Variants in AATF observed in about 807,000 individuals in gnomAD.
AATF encodes the protein protein AATF.
In AATF, 48 loss-of-function variants were observed where a neutral mutation model predicts 63.7. The observed-to-expected ratio is 0.75, with a 90% CI of 0.60 to 0.96. The LOEUF is 0.96. AATF is among the 40% of genes least tolerant of loss of function. The pLI is 0.00. For synonymous variants in AATF, 258 were observed against 247.7 expected (o/e 1.04, Z -0.39); for missense variants, 639 against 685.7 (o/e 0.93, Z 0.76).
At chr17:37,003,981 T>G (rs541567603) in intron 8 of AATF, among the ~76,000 whole-genome samples, 1 of 152,054 alleles carries the variant, frequency 6.6e-6, no homozygotes, top group East Asian at 1.9e-4. Flanking sequence ...GGCATGTGCC[T>G]CTACTCCCAG....
chr17:36,972,896 T>G (rs543343334), intron 4 of AATF, among the ~76,000 whole-genome samples: 2 of 152,300 alleles, frequency 1.3e-5, no homozygotes, highest in East Asian at 1.9e-4. Context: ...CGGGATTCTG[T>G]CTTTTTTAGG....
At chr17:36,998,314 C>A (rs191950949) in intron 8 of AATF, among the ~76,000 whole-genome samples, 2 of 152,310 alleles carry the variant, frequency 1.3e-5, no homozygotes, top group African/African-American at 4.8e-5. Context: ...AGTCCAAACT[C>A]TCTTTTCACA....
intron 8 of AATF, chr17:36,999,058 A>G (rs2071275331): frequency 1.3e-5 from 2 of 152,206 alleles, no homozygotes; most frequent in African/African-American, 2.4e-5. Flanking sequence ...ACGAGGCACT[A>G]TTTGACATAA....
rs58296683 is a variant in AATF, at chr17:37,046,730, A to AACACACACACAC, written c.1620-9842_1620-9831dup. Among the ~76,000 whole-genome samples the AACACACACACAC allele has an allele frequency of 2.5e-3, 356 of 140,050 alleles. 1 individual carries two copies. The highest frequency in any genetic ancestry group is 7.0e-3 in the African/African-American group (261 of 37,166). The allele number at this position is 140,050 out of a possible 152,430, so 91.9% of individuals were successfully genotyped here. A position where few individuals can be genotyped will look rare whatever the true frequency, so the allele number is the denominator to read the frequency against. ...TGAGCGATGCATCCTGTGCTCCCCC[A>AACACACACACAC]ACACACACACACACACACACACACA... On this transcript the variant is annotated intron_variant, in intron 11 of 11. Transcript: ENST00000619387.
intron 2 of AATF, 108 bp from the exon 3 acceptor site, chr17:36,952,778 G>T (rs760057774): frequency 4.1e-6 from 6 of 1,480,906 alleles, no homozygotes; most frequent in Non-Finnish European, 5.4e-6. Context: ...AGTGCAGTAA[G>T]AGATTTTCCC....
intron 10 of AATF, among the ~76,000 whole-genome samples, chr17:37,025,386 G>A (rs976413721): frequency 3.9e-5 from 6 of 152,098 alleles, no homozygotes; most frequent in South Asian, 2.1e-4. Flanking sequence ...GGGAGGGTAC[G>A]GTGTGACAAG....
In AATF at chr17:36,952,970, G is replaced by T; in HGVS notation, c.368G>T (p.Gly123Val). The T allele has an allele frequency of 6.2e-7, 1 of 1,614,206 alleles. No individual in the cohort carries two copies. Among genetic ancestry groups the T allele is most frequent in the Non-Finnish European group, 8.5e-7 (1 of 1,180,026 alleles). ...GLEEYDEDDL[G>V]AAEEQECGDH... ...GAGGAATATGATGAGGACGACCTGG[G>T]TGCTGCTGAGGAACAGGAGTGTGGT... Residue 123 changes from glycine (G) to valine (V), a missense_variant, in exon 3 of 12, where the codon GGT (glycine) becomes GTT (valine). Coordinates refer to ENST00000619387, the MANE Select transcript of AATF (RefSeq NM_012138.4).
chr17:37,056,706 C>T lies in AATF; in HGVS notation c.*42C>T, dbSNP rs11653434. ...CACCCAGTGGGCGCCTTGGCTGGTG[C>T]GGCTGCTGGTCCAGATGGAGGAAAC... On this transcript the variant is annotated 3_prime_UTR_variant, in exon 12 of 12. Transcript: ENST00000619387. 168,480 of 1,602,952 alleles carry T rather than the reference C, an allele frequency of 0.11. 9,861 individuals are homozygous for T. Among genetic ancestry groups the T allele is most frequent in the Non-Finnish European group, 0.12 (142,557 of 1,170,450 alleles).
At chr17:36,986,299 T>C (rs529070892) in intron 4 of AATF, among the ~76,000 whole-genome samples, 1 of 152,202 alleles carries the variant, frequency 6.6e-6, no homozygotes, top group African/African-American at 2.4e-5. Flanking sequence ...ATGGTTATAA[T>C]GAGAGGCCGG....
intron 10 of AATF, among the ~76,000 whole-genome samples, chr17:37,025,992 T>A (rs1250792022): frequency 6.6e-6 from 1 of 152,200 alleles, no homozygotes; most frequent in Non-Finnish European, 1.5e-5. Context: ...GTGTTCAAGA[T>A]GAACAGCACC....
chr17:36,968,233 A>AT (rs2071007535), intron 4 of AATF, among the ~76,000 whole-genome samples: 1 of 39,106 alleles, frequency 2.6e-5, no homozygotes, highest in African/African-American at 1.6e-4. Context: ...ATTTTCTTCT[A>AT]TTTTTTTCTT....
intron 10 of AATF, chr17:37,021,245 T>C: frequency 4.8e-6 from 2 of 417,724 alleles, no homozygotes; most frequent in Non-Finnish European, 8.4e-6. Context: ...AAATAATATA[T>C]GCATTCCCTT....
chr17:37,002,161 C>G (rs909651333), intron 8 of AATF, among the ~76,000 whole-genome samples: 8 of 146,622 alleles, frequency 5.5e-5, no homozygotes, highest in Admixed American at 2.0e-4. Context: ...ATGATAGCAC[C>G]ACTGCACTCC....
intron 10 of AATF, among the ~76,000 whole-genome samples, chr17:37,027,364 T>A (rs1205414652): frequency 6.6e-6 from 1 of 152,122 alleles, no homozygotes; most frequent in African/African-American, 2.4e-5. Context: ...AAAAGATGAT[T>A]TAATATTAAA....
At chr17:37,028,701 G>A (rs956172379) in intron 10 of AATF, among the ~76,000 whole-genome samples, 2 of 152,094 alleles carry the variant, frequency 1.3e-5, no homozygotes, top group Non-Finnish European at 1.5e-5. Flanking sequence ...TGAGAGGATG[G>A]CCTGAACCTG....
chr17:36,963,133 A>G (rs2070962129), intron 4 of AATF, among the ~76,000 whole-genome samples: 1 of 152,134 alleles, frequency 6.6e-6, no homozygotes, highest in African/African-American at 2.4e-5. Flanking sequence ...ACAAAACAAA[A>G]CAAAAACCAA....
At chr17:36,957,542 T>C (rs2070911833) in intron 4 of AATF, among the ~76,000 whole-genome samples, 1 of 152,254 alleles carries the variant, frequency 6.6e-6, no homozygotes, top group Admixed American at 6.5e-5. Flanking sequence ...CAATGCAGTG[T>C]TGGCCTCTTA....
At chr17:36,954,230 G>A (rs866897405) in intron 4 of AATF, among the ~76,000 whole-genome samples, 1 of 151,882 alleles carries the variant, frequency 6.6e-6, no homozygotes, top group East Asian at 1.9e-4. Context: ...GACCACAAGC[G>A]TGCACCACCC....
At chr17:37,000,414 G>A (rs1458043829) in intron 8 of AATF, among the ~76,000 whole-genome samples, 2 of 152,102 alleles carry the variant, frequency 1.3e-5, no homozygotes, top group Non-Finnish European at 2.9e-5. Flanking sequence ...TCAGGAGCTC[G>A]GTTTTGGTTA....
Sources: allele counts gnomAD v4.1 joint callset (sites outside exome capture counted in the v4.1 genomes callset), GRCh38; gene constraint gnomAD v4.1.1; transcripts MANE v1.5; gene names NCBI Gene and HGNC (gene_info 2026-07-23, HGNC 2026-07-21).